The following ATF7 variants were observed in gnomAD, a reference collection of about 807,000 sequenced individuals.
ATF7 encodes cyclic AMP-dependent transcription factor ATF-7.
A neutral mutation model predicts 50.4 loss-of-function variants in ATF7; 10 were observed. That is an observed-to-expected ratio of 0.20 (90% confidence interval 0.12 to 0.34). The LOEUF is 0.34. Among genes scored for constraint, ATF7 ranks in the 10% least tolerant of loss-of-function variants. ATF7 has a pLI of 1.00. For missense variants in ATF7, 465 were observed against 613.9 expected, an observed-to-expected ratio of 0.76 and a Z score of 2.56; for synonymous variants, 201 against 226.4, an observed-to-expected ratio of 0.89 and a Z score of 1.01.
At chr12:53,607,450 T>C (rs1003968251) in intron 1 of ATF7, among the ~76,000 whole-genome samples, 2 of 152,168 alleles carry the variant, frequency 1.3e-5, no homozygotes, top group East Asian at 3.8e-4. Flanking sequence ...CTCTCTATTC[T>C]AAGGATAAAA....
chr12:53,603,396 AAAAC>A lies in ATF7; in HGVS notation c.-21-2379_-21-2376del, dbSNP rs781501683. On this transcript the variant is annotated intron_variant, in intron 1 of 11. Transcript: ENST00000420353. ...TGACTTTCTGAAAGAAAAAAAAACA[AAAAC>A]AAAAAAATTTGGGGGGAAAAAGCAT... Among the ~76,000 whole-genome samples the A allele has an allele frequency of 2.0e-4, 30 of 152,334 alleles. No homozygotes were observed. In the East Asian group the frequency reaches 3.3e-3, roughly 17 times the overall value.
chr12:53,579,708 C>T (rs1942298986), intron 2 of ATF7, among the ~76,000 whole-genome samples: 4 of 152,174 alleles, frequency 2.6e-5, no homozygotes, highest in Admixed American at 2.0e-4. Flanking sequence ...TCTGAACTTT[C>T]TCCCTCTGCA....
chr12:53,615,078 T>G (rs1944060803), intron 1 of ATF7, among the ~76,000 whole-genome samples: 1 of 148,136 alleles, frequency 6.8e-6, no homozygotes, highest in Non-Finnish European at 1.5e-5. Flanking sequence ...AGACGCCATC[T>G]CAAAAGAAAA....
chr12:53,515,168 G>T lies in ATF7; in HGVS notation c.*1969C>A, dbSNP rs12810421. On this transcript the variant is annotated 3_prime_UTR_variant, in exon 12 of 12. Coordinates refer to ENST00000420353, the MANE Select transcript of ATF7 (RefSeq NM_006856.3). ...CCGTGTTTTCTCTCCTTTGTCTTTA[G>T]GGGTGTGGCCTGTTCAGCACCAGCT... is the stretch of plus-strand genomic sequence containing the variant. The T allele has an allele frequency of 6.6e-6, 1 of 152,210 alleles. No homozygotes were observed. Among genetic ancestry groups the T allele is most frequent in the African/African-American group, 2.4e-5 (1 of 41,448 alleles). The allele number at this position is 152,210 out of a possible 1,614,324, so 9.4% of individuals were successfully genotyped here. A position where few individuals can be genotyped will look rare whatever the true frequency, so the allele number is the denominator to read the frequency against.
At chr12:53,568,921 G>A (rs1214259507) in intron 2 of ATF7, among the ~76,000 whole-genome samples, 1 of 152,162 alleles carries the variant, frequency 6.6e-6, no homozygotes, top group Non-Finnish European at 1.5e-5. Context: ...CAGCTACTTG[G>A]GAGGCTGAGG....
chr12:53,624,390 T>C (rs1039007842), intron 1 of ATF7, among the ~76,000 whole-genome samples: 1 of 152,212 alleles, frequency 6.6e-6, no homozygotes, highest in Non-Finnish European at 1.5e-5. Flanking sequence ...TTTCAGACAT[T>C]ATTTCCCTTC....
intron 3 of ATF7, among the ~76,000 whole-genome samples, chr12:53,545,922 G>T (rs1025106851): frequency 2.0e-4 from 30 of 152,080 alleles, no homozygotes; most frequent in African/African-American, 6.0e-4. Context: ...GCTGGGTGCG[G>T]TGGCTCACGC....
chr12:53,584,439 C>T (rs961527916), intron 2 of ATF7, among the ~76,000 whole-genome samples: 1 of 152,202 alleles, frequency 6.6e-6, no homozygotes, highest in Non-Finnish European at 1.5e-5. Context: ...AATATAGCCA[C>T]TTTGGAAGAC....
At chr12:53,599,336 T>C (rs1943289945) in intron 2 of ATF7, among the ~76,000 whole-genome samples, 1 of 152,036 alleles carries the variant, frequency 6.6e-6, no homozygotes, top group South Asian at 2.1e-4. Context: ...CATACCAGGC[T>C]AGGAGAGATC....
rs1237825732 is a variant in ATF7 at position 53,534,611 on chromosome 12, C to T, written c.451G>A (p.Val151Ile). Residue 151 changes from valine to isoleucine, a missense_variant, in exon 6 of 12, where the codon GTA (valine) becomes ATA (isoleucine). Coordinates refer to ENST00000420353, the MANE Select transcript of ATF7 (RefSeq NM_006856.3). ...VLISTPTPTI[V>I]RPGSLPLHLG... ...TGGAGAGGCAGGGAGCCAGGACGTA[C>T]AATGGTGGGTGTGGGGGTAGAGATC... The T allele has an allele frequency of 1.2e-6, 2 of 1,613,352 alleles. No homozygotes were observed. Among genetic ancestry groups the T allele is most frequent in the South Asian group, 2.2e-5 (2 of 91,008 alleles).
At chr12:53,617,319 T>C (rs1270319828) in intron 1 of ATF7, among the ~76,000 whole-genome samples, 2 of 152,182 alleles carry the variant, frequency 1.3e-5, no homozygotes, top group Admixed American at 1.3e-4. Context: ...GCTTATGTAT[T>C]ATGTCCTTCT....
chr12:53,547,750 T>C (rs1382301771), intron 3 of ATF7, among the ~76,000 whole-genome samples: 2 of 20,518 alleles, frequency 9.7e-5, no homozygotes, highest in Non-Finnish European at 2.3e-4. Context: ...GCTAATTTTA[T>C]GTATGTATGT....
At chr12:53,587,844 T>TATATATATATATATATATATATA (rs1491300296) in intron 2 of ATF7, among the ~76,000 whole-genome samples, 49 of 40,726 alleles carry the variant, frequency 1.2e-3, no homozygotes, top group Non-Finnish European at 2.0e-3. Context: ...TATATATATA[T>TATATATATATATATATATATATA]TTTTTTTTTT....
At chr12:53,577,588 C>T (rs990034580) in intron 2 of ATF7, among the ~76,000 whole-genome samples, 5 of 151,344 alleles carry the variant, frequency 3.3e-5, no homozygotes, top group South Asian at 4.2e-4. Context: ...CAGTGGCGGG[C>T]GCCTGTAATC....
At chr12:53,529,972 G>T (rs940591053) in intron 9 of ATF7, among the ~76,000 whole-genome samples, 3 of 151,502 alleles carry the variant, frequency 2.0e-5, no homozygotes, top group African/African-American at 7.3e-5. Context: ...TCGAACTCCT[G>T]ACCTTGTGAT....
intron 2 of ATF7, among the ~76,000 whole-genome samples, chr12:53,596,583 G>T (rs1565584670): frequency 6.6e-6 from 1 of 152,168 alleles, no homozygotes; most frequent in East Asian, 1.9e-4. Flanking sequence ...TATGGAATTT[G>T]TTGATCCCAG....
intron 2 of ATF7, among the ~76,000 whole-genome samples, chr12:53,582,740 G>C (rs1027087196): frequency 6.6e-6 from 1 of 152,124 alleles, no homozygotes; most frequent in African/African-American, 2.4e-5. Context: ...CACCACGCCC[G>C]GCTAATTTTT....
chr12:53,566,973 C>T (rs921055202), intron 2 of ATF7, among the ~76,000 whole-genome samples: 1 of 152,102 alleles, frequency 6.6e-6, no homozygotes, highest in Non-Finnish European at 1.5e-5. Context: ...AGGCTAGTCT[C>T]GAACTCCTGA....
In ATF7 at chr12:53,515,324, C is replaced by T. The variant is rs958672761; in HGVS notation, c.*1813G>A. 6.6e-6 allele frequency: 1 copy of T among 152,170 alleles called. No homozygotes were observed. The highest frequency in any genetic ancestry group is 1.5e-5 in the Non-Finnish European group (1 of 68,048). 9.4% of individuals were successfully genotyped at this position (152,170 alleles called of 1,614,324 possible). A position where few individuals can be genotyped will look rare whatever the true frequency, so the allele number is the denominator to read the frequency against. On this transcript the variant is annotated 3_prime_UTR_variant, in exon 12 of 12. Transcript: ENST00000420353. ...AGAACATTTTCTCATTCCCCTGTGA[C>T]AGTCAATTTTGGAGACAAAATAAGA...
Sources: allele counts gnomAD v4.1 joint callset (sites outside exome capture counted in the v4.1 genomes callset), GRCh38; gene constraint gnomAD v4.1.1; transcripts MANE v1.5; gene names NCBI Gene and HGNC (gene_info 2026-07-23, HGNC 2026-07-21).